The following IL1RAPL1 variants were observed in gnomAD, a reference collection of about 807,000 sequenced individuals.
IL1RAPL1 encodes interleukin 1 receptor accessory protein like 1, also known as interleukin-1 receptor accessory protein-like 1.
In IL1RAPL1, 3 loss-of-function variants were observed where a neutral mutation model predicts 48.4. That is an observed-to-expected ratio of 0.06 (90% CI 0.03 to 0.16). The LOEUF is 0.16. Ranked by LOEUF, IL1RAPL1 falls within the 10% of genes least tolerant of loss-of-function variation. The pLI is 1.00. For synonymous variants in IL1RAPL1, 185 were observed against 187.7 expected, an observed-to-expected ratio of 0.99 and a Z score of 0.12; for missense variants, 349 against 530.6, an observed-to-expected ratio of 0.66 and a Z score of 3.36.
chrX:29,807,621 CAAAAAAAAAAA>C (rs60391165), intron 6 of IL1RAPL1, among the ~76,000 whole-genome samples: 3 of 26,033 alleles, frequency 1.2e-4, no homozygotes, highest in Admixed American at 9.0e-4. Context: ...TCTCTCAAGA[CAAAAAAAAAAA>C]AAAAAAAAAA....
chrX:29,224,033 T>A (rs1931033920), intron 2 of IL1RAPL1, among the ~76,000 whole-genome samples: 1 of 111,724 alleles, frequency 9.0e-6, no homozygotes, highest in Admixed American at 9.6e-5. Context: ...ACCTTGCATA[T>A]TATTGTTCAC....
At chrX:28,594,797 T>A (rs1933938329) in intron 1 of IL1RAPL1, among the ~76,000 whole-genome samples, 1 of 112,204 alleles carries the variant, frequency 8.9e-6, no homozygotes, top group Non-Finnish European at 1.9e-5. Flanking sequence ...TTATTTTTCC[T>A]TTACGCACAC....
intron 2 of IL1RAPL1, among the ~76,000 whole-genome samples, chrX:28,814,304 G>A (rs376299053): frequency 9.7e-5 from 10 of 102,867 alleles, no homozygotes; most frequent in Non-Finnish European, 1.4e-4. Context: ...TAAATGTTTC[G>A]TTCACTTACT....
intron 5 of IL1RAPL1, among the ~76,000 whole-genome samples, chrX:29,593,819 C>T (rs1056368086): frequency 8.0e-5 from 9 of 111,929 alleles, no homozygotes; most frequent in African/African-American, 1.9e-4. Flanking sequence ...CCAATGTATT[C>T]GCTTGCCAGA....
chrX:28,886,909 A>G (rs757235547), intron 2 of IL1RAPL1, among the ~76,000 whole-genome samples: 1 of 111,823 alleles, frequency 8.9e-6, no homozygotes, highest in East Asian at 2.8e-4. Context: ...AACAAAGCTC[A>G]TGGGACAAGG....
chrX:28,625,310 T>C (rs1569140646), intron 1 of IL1RAPL1, among the ~76,000 whole-genome samples: 1 of 111,500 alleles, frequency 9.0e-6, no homozygotes, highest in African/African-American at 3.3e-5. Flanking sequence ...AGTTATCCCT[T>C]AGAAGAGCTA....
intron 3 of IL1RAPL1, among the ~76,000 whole-genome samples, chrX:29,384,305 C>T (rs1293569472): frequency 9.0e-6 from 1 of 111,461 alleles, no homozygotes; most frequent in African/African-American, 3.3e-5. Context: ...TTACCAGAAC[C>T]CAGAAACTGA....
At chrX:29,617,851 C>A (rs1924335641) in intron 5 of IL1RAPL1, among the ~76,000 whole-genome samples, 1 of 111,907 alleles carries the variant, frequency 8.9e-6, no homozygotes, top group African/African-American at 3.3e-5. Flanking sequence ...TTGTCCCTTG[C>A]CTATTTTACT....
intron 6 of IL1RAPL1, among the ~76,000 whole-genome samples, chrX:29,851,334 C>G (rs1320823916): frequency 9.0e-6 from 1 of 111,230 alleles, no homozygotes; most frequent in Non-Finnish European, 1.9e-5. Context: ...GGCTGGATAC[C>G]TTTGGGACAC....
chrX:29,479,417 A>AAAAAAAAAAAAAAAAAAAAAAAC (rs1935013468), intron 5 of IL1RAPL1, among the ~76,000 whole-genome samples: 1 of 104,716 alleles, frequency 9.5e-6, no homozygotes, highest in African/African-American at 3.5e-5. Flanking sequence ...CCTGTCTCAA[A>AAAAAAAAAAAAAAAAAAAAAAAC]AAAAAAAAAA....
chrX:29,955,001 A>C lies in IL1RAPL1; in HGVS notation c.1373-101A>C, dbSNP rs765189481. 1.2e-4 allele frequency: 83 copies of C among 700,133 alleles called. No individual in the cohort carries two copies. In the African/African-American group the frequency reaches 1.2e-3, roughly 11 times the overall value. The allele number at this position is 700,133 out of a possible 1,213,427, so 57.7% of individuals were successfully genotyped here. A position where few individuals can be genotyped will look rare whatever the true frequency, so the allele number is the denominator to read the frequency against. ...GAGAAGCAAGTCCCAAACTCTATTCAGTGAACTAGTTTCATTTAATTTCTG... is the reference window on the plus strand; with the variant it reads ...GAGAAGCAAGTCCCAAACTCTATTCCGTGAACTAGTTTCATTTAATTTCTG... On this transcript the variant is annotated intron_variant, in intron 10 of 10. Transcript: ENST00000378993.
At chrX:29,849,551 T>A (rs1931320200) in intron 6 of IL1RAPL1, among the ~76,000 whole-genome samples, 1 of 111,887 alleles carries the variant, frequency 8.9e-6, no homozygotes, top group Non-Finnish European at 1.9e-5. Flanking sequence ...GGGGGGACAC[T>A]TTCATGAAGA....
intron 5 of IL1RAPL1, among the ~76,000 whole-genome samples, chrX:29,534,494 GT>G (rs1179464237): frequency 9.0e-6 from 1 of 111,561 alleles, no homozygotes; most frequent in African/African-American, 3.3e-5. Context: ...TTAGTTGCTT[GT>G]TTTTTAGTAA....
At chrX:29,523,161 T>TAAAATGTGC (rs1315652005) in intron 5 of IL1RAPL1, among the ~76,000 whole-genome samples, 1 of 112,003 alleles carries the variant, frequency 8.9e-6, no homozygotes, top group Non-Finnish European at 1.9e-5. Context: ...TTAATTTTAC[T>TAAAATGTGC]AAAATGTGCT....
chrX:28,905,825 A>T (rs959442249), intron 2 of IL1RAPL1, among the ~76,000 whole-genome samples: 1 of 111,690 alleles, frequency 9.0e-6, no homozygotes, highest in Non-Finnish European at 1.9e-5. Context: ...GGGCAGTAGG[A>T]AGTGTGTATG....
At chrX:29,440,791 T>A (rs1934539633) in intron 5 of IL1RAPL1, among the ~76,000 whole-genome samples, 1 of 112,219 alleles carries the variant, frequency 8.9e-6, no homozygotes, top group Non-Finnish European at 1.9e-5. Flanking sequence ...CTGTTTGACT[T>A]TTGTCAGTTG....
chrX:29,359,766 T>C (rs1933352419), intron 3 of IL1RAPL1, among the ~76,000 whole-genome samples: 1 of 111,662 alleles, frequency 9.0e-6, no homozygotes, highest in Non-Finnish European at 1.9e-5. Context: ...ACTATGGGAC[T>C]AGTTAGAGGA....
intron 2 of IL1RAPL1, among the ~76,000 whole-genome samples, chrX:29,089,063 T>C (rs1434463896): frequency 6.3e-5 from 7 of 111,552 alleles, no homozygotes; most frequent in Admixed American, 9.6e-5. Flanking sequence ...GCACTTGTAC[T>C]TTATTAATGT....
chrX:29,296,165 A>G (rs1337380554), intron 3 of IL1RAPL1, among the ~76,000 whole-genome samples: 16 of 111,717 alleles, frequency 1.4e-4, no homozygotes, highest in African/African-American at 4.9e-4. Context: ...ACAGAGTTTA[A>G]TCTCACATTG....
Sources: allele counts gnomAD v4.1 joint callset (sites outside exome capture counted in the v4.1 genomes callset), GRCh38; gene constraint gnomAD v4.1.1; transcripts MANE v1.5; gene names NCBI Gene and HGNC (gene_info 2026-07-23, HGNC 2026-07-21).